The following TMLHE variants were observed in gnomAD, a reference collection of about 807,000 sequenced individuals.
The protein encoded by TMLHE is trimethyllysine hydroxylase, epsilon.
Under a neutral mutation model 25.7 loss-of-function variants are expected in TMLHE, and 18 were observed. The ratio of observed to expected loss-of-function variants is 0.70; its 90% CI spans 0.48 to 1.04. TMLHE has a LOEUF of 1.04. TMLHE is among the 50% of genes least tolerant of loss of function. The pLI is 0.00. For synonymous variants in TMLHE, 105 were observed against 97.0 expected (o/e 1.08, Z -0.49); for missense variants, 236 against 259.0 (o/e 0.91, Z 0.61).
rs141192145 is a variant in TMLHE at position 155,509,237 on chromosome X, A to G, written c.759-2103T>C. ...TGGATAGGTTAGTTTGTGTCAGGCA[A>G]TATGATCATATAATTTAATTCCTTA... On this transcript the variant is annotated intron_variant, in intron 5 of 7. Coordinates refer to ENST00000334398, the MANE Select transcript of TMLHE (RefSeq NM_018196.4). Among the ~76,000 whole-genome samples, 767 of 111,707 alleles carry G rather than the reference A, an allele frequency of 6.9e-3. 6 individuals carry two copies. The highest frequency in any genetic ancestry group is 0.024 in the African/African-American group (730 of 30,812).
intron 5 of TMLHE, among the ~76,000 whole-genome samples, chrX:155,510,660 T>A (rs782149452): frequency 1.5e-3 from 166 of 109,681 alleles, no homozygotes; most frequent in African/African-American, 5.1e-3. Context: ...TGTTGGACAT[T>A]TGGGTTGGTT....
At chrX:155,585,810 G>T (rs2067660408) in intron 1 of TMLHE, among the ~76,000 whole-genome samples, 1 of 112,071 alleles carries the variant, frequency 8.9e-6, no homozygotes, top group South Asian at 3.7e-4. Flanking sequence ...TAGACCATAT[G>T]CTGGCTACAA....
At position 155,551,115 on chromosome X, in the gene TMLHE, A is replaced by G. The variant is rs782690307; in HGVS notation, c.-1-5838T>C. ...CTCGGGTCCCAAAATAAATATTTTT[A>G]ATATTGTCTCATTCTGGACTGTTCC... On this transcript the variant is annotated intron_variant, in intron 1 of 7. Coordinates refer to ENST00000334398, the MANE Select transcript of TMLHE (RefSeq NM_018196.4). Among the ~76,000 whole-genome samples, 8 of 110,786 alleles carry G rather than the reference A, an allele frequency of 7.2e-5. No homozygotes were observed. In the South Asian group the frequency reaches 2.7e-3, roughly 37 times the overall value.
At chrX:155,586,594 A>T (rs2067666082) in intron 1 of TMLHE, among the ~76,000 whole-genome samples, 1 of 111,894 alleles carries the variant, frequency 8.9e-6, no homozygotes, top group South Asian at 3.7e-4. Context: ...TTTTTTGAAA[A>T]GATAAACAAG....
At position 155,569,898 on chromosome X, in the gene TMLHE, C is replaced by A. The variant is rs28792670; in HGVS notation, c.-1-24621G>T. Among the ~76,000 whole-genome samples, 17 of 56,848 alleles carry A rather than the reference C, an allele frequency of 3.0e-4. 3 individuals are homozygous for A. The highest frequency in any genetic ancestry group is 7.2e-4 in the African/African-American group (17 of 23,657). 49.4% of individuals were successfully genotyped at this position (56,848 alleles called of 115,157 possible). On this transcript the variant is annotated intron_variant, in intron 1 of 7. Transcript: ENST00000334398. ...GCAAAATCATGCCAAATTGTAAATA[C>A]CATCGAGGCTAGGAAGAAACTGCAT...
chrX:155,557,494 C>T (rs1339703580), intron 1 of TMLHE, among the ~76,000 whole-genome samples: 2 of 111,859 alleles, frequency 1.8e-5, no homozygotes, highest in African/African-American at 6.5e-5. Flanking sequence ...TAATGCAATG[C>T]TGTATTACTT....
intron 1 of TMLHE, among the ~76,000 whole-genome samples, chrX:155,609,826 A>G (rs1235014595): frequency 8.9e-6 from 1 of 112,347 alleles, no homozygotes; most frequent in African/African-American, 3.2e-5. Context: ...ACAATGAGAT[A>G]CTTCTCCACA....
At chrX:155,543,097 A>G (rs1032148917) in intron 2 of TMLHE, among the ~76,000 whole-genome samples, 11 of 111,600 alleles carry the variant, frequency 9.9e-5, no homozygotes, top group Non-Finnish European at 5.7e-5. Context: ...TGCTTTAGCC[A>G]TTCAGGGTCT....
intron 4 of TMLHE, 41 bp downstream of exon 4, chrX:155,513,945 T>C: frequency 8.7e-7 from 1 of 1,153,649 alleles, no homozygotes; most frequent in Non-Finnish European, 1.2e-6. Flanking sequence ...GCTCTGGAAA[T>C]TAATTATAAT....
intron 2 of TMLHE, among the ~76,000 whole-genome samples, chrX:155,535,360 A>G (rs899675424): frequency 3.6e-5 from 4 of 112,346 alleles, no homozygotes; most frequent in South Asian, 7.4e-4. Flanking sequence ...GTTCCAGGCC[A>G]TTTGATTCCT....
chrX:155,541,517 T>C (rs1432628392), intron 2 of TMLHE, among the ~76,000 whole-genome samples: 1 of 111,820 alleles, frequency 8.9e-6, no homozygotes, highest in Non-Finnish European at 1.9e-5. Context: ...TGTGTGCATA[T>C]GTCTTTATAG....
At chrX:155,560,610 A>AT (rs2067490655) in intron 1 of TMLHE, among the ~76,000 whole-genome samples, 1 of 56,262 alleles carries the variant, frequency 1.8e-5, no homozygotes, top group African/African-American at 3.8e-5. Flanking sequence ...GGGGTAAAGT[A>AT]GACTAGGCAG....
intron 2 of TMLHE, among the ~76,000 whole-genome samples, chrX:155,537,582 C>A (rs181705081): frequency 9.0e-6 from 1 of 111,257 alleles, no homozygotes; most frequent in Non-Finnish European, 1.9e-5. Flanking sequence ...AATTCATTGA[C>A]CCTAAGCTCC....
intron 1 of TMLHE, among the ~76,000 whole-genome samples, chrX:155,579,366 A>G (rs1238604104): frequency 8.9e-6 from 1 of 112,460 alleles, no homozygotes; most frequent in Non-Finnish European, 1.9e-5. Flanking sequence ...ACAAAGCTAT[A>G]GGAACCAAAC....
chrX:155,508,830 T>C (rs1175368940), intron 5 of TMLHE, among the ~76,000 whole-genome samples: 1 of 110,126 alleles, frequency 9.1e-6, no homozygotes, highest in East Asian at 2.8e-4. Context: ...GAGGAGTAAA[T>C]GGGAAGTGAG....
At chrX:155,545,050 T>C in intron 2 of TMLHE, 46 bp downstream of exon 2, 1 of 1,179,600 alleles carries the variant, frequency 8.5e-7, no homozygotes, top group East Asian at 3.0e-5. Flanking sequence ...AGCAAACATT[T>C]CTTACCACAA....
At chrX:155,595,415 C>T (rs1435648146) in intron 1 of TMLHE, among the ~76,000 whole-genome samples, 1 of 111,912 alleles carries the variant, frequency 8.9e-6, no homozygotes, top group African/African-American at 3.2e-5. Flanking sequence ...AGTGCAATGC[C>T]ATAAACCTTA....
At chrX:155,506,630 C>A (rs1031614454) in intron 6 of TMLHE, among the ~76,000 whole-genome samples, 5 of 111,352 alleles carry the variant, frequency 4.5e-5, no homozygotes, top group Non-Finnish European at 9.5e-5. Flanking sequence ...AATTTAATAA[C>A]TCTTTTTCAT....
intron 1 of TMLHE, among the ~76,000 whole-genome samples, chrX:155,570,989 G>C (rs2067545562): frequency 1.8e-5 from 1 of 56,621 alleles, no homozygotes; most frequent in African/African-American, 4.2e-5. Flanking sequence ...AATCAGAGCA[G>C]AACTGAAGGA....
Sources: allele counts gnomAD v4.1 joint callset (sites outside exome capture counted in the v4.1 genomes callset), GRCh38; gene constraint gnomAD v4.1.1; transcripts MANE v1.5; gene names NCBI Gene and HGNC (gene_info 2026-07-23, HGNC 2026-07-21).